Variants in DPP6 observed in about 807,000 individuals in gnomAD.
DPP6 encodes the protein A-type potassium channel modulatory protein DPP6.
In DPP6, 69 loss-of-function variants were observed where a neutral mutation model predicts 122.6. That is an observed-to-expected ratio of 0.56 (90% CI 0.46 to 0.69). The LOEUF (loss-of-function observed/expected upper bound fraction) is 0.69. DPP6 is among the 30% of genes least tolerant of loss of function. The pLI is 0.00. For missense variants in DPP6, 928 were observed against 1,116.9 expected, an observed-to-expected ratio of 0.83 and a Z score of 2.41; for synonymous variants, 418 against 433.1, an observed-to-expected ratio of 0.97 and a Z score of 0.43.
chr7:154,551,824 C>A (rs888638246), intron 4 of DPP6, among the ~76,000 whole-genome samples: 1 of 151,978 alleles, frequency 6.6e-6, no homozygotes. Context: ...GAATGAGGAG[C>A]AGTTGGAGGT....
At chr7:154,807,409 A>C (rs1259785930) in intron 16 of DPP6, among the ~76,000 whole-genome samples, 1 of 152,222 alleles carries the variant, frequency 6.6e-6, no homozygotes, top group Non-Finnish European at 1.5e-5. Context: ...CACAAAAAAT[A>C]ATAGTCCCAT....
At chr7:154,749,508 A>C (rs1587015207) in intron 8 of DPP6, among the ~76,000 whole-genome samples, 1 of 139,382 alleles carries the variant, frequency 7.2e-6, no homozygotes, top group African/African-American at 2.8e-5. Flanking sequence ...TGGAGGCTTT[A>C]CTGAGAGAGG....
At chr7:154,162,649 T>C (rs755870294) in intron 1 of DPP6, among the ~76,000 whole-genome samples, 1 of 151,606 alleles carries the variant, frequency 6.6e-6, no homozygotes, top group African/African-American at 2.4e-5. Context: ...ATTGCTAACA[T>C]TGAGTGGAAT....
chr7:154,255,193 G>A (rs1802581805), intron 1 of DPP6, among the ~76,000 whole-genome samples: 1 of 152,018 alleles, frequency 6.6e-6, no homozygotes, highest in Admixed American at 6.6e-5. Flanking sequence ...CGGCTGTGGT[G>A]GAGGGGTGCT....
At chr7:153,955,588 G>A (rs535958227) in intron 1 of DPP6, among the ~76,000 whole-genome samples, 88 of 152,046 alleles carry the variant, frequency 5.8e-4, no homozygotes, top group Non-Finnish European at 7.4e-4. Context: ...ACAGGCACCC[G>A]CCACCACGCC....
chr7:153,950,590 C>G (rs1359951584), intron 1 of DPP6, among the ~76,000 whole-genome samples: 1 of 152,058 alleles, frequency 6.6e-6, no homozygotes. Context: ...GGAAGGAACG[C>G]CTGAAGTGGA....
chr7:154,862,603 G>A (rs961138375), intron 17 of DPP6, among the ~76,000 whole-genome samples: 4 of 152,314 alleles, frequency 2.6e-5, no homozygotes, highest in East Asian at 3.9e-4. Context: ...GCTGGGCTTC[G>A]CTGCCACCCA....
At chr7:154,289,902 G>C (rs780632240) in intron 1 of DPP6, among the ~76,000 whole-genome samples, 8 of 152,160 alleles carry the variant, frequency 5.3e-5, no homozygotes, top group Non-Finnish European at 1.2e-4. Context: ...GGGTGATGAG[G>C]CTAATCAAAC....
chr7:154,278,652 A>G (rs754338405), intron 1 of DPP6, among the ~76,000 whole-genome samples: 2 of 152,238 alleles, frequency 1.3e-5, no homozygotes, highest in African/African-American at 2.4e-5. Flanking sequence ...AGGGTGGCCT[A>G]TGGAGTTTTA....
intron 10 of DPP6, among the ~76,000 whole-genome samples, chr7:154,790,164 C>G (rs1470368649): frequency 6.6e-6 from 1 of 152,200 alleles, no homozygotes; most frequent in African/African-American, 2.4e-5. Flanking sequence ...CACCACTGCA[C>G]TCCAGCCTGG....
intron 1 of DPP6, among the ~76,000 whole-genome samples, chr7:154,109,947 C>T (rs1806454630): frequency 7.0e-6 from 1 of 142,008 alleles, no homozygotes; most frequent in Non-Finnish European, 1.5e-5. Flanking sequence ...AATTGGGGTG[C>T]AGGGTGGGGG....
intron 7 of DPP6, among the ~76,000 whole-genome samples, chr7:154,725,503 C>T (rs1353229445): frequency 6.6e-6 from 1 of 152,112 alleles, no homozygotes; most frequent in Non-Finnish European, 1.5e-5. Flanking sequence ...CACTTTTAAA[C>T]AGCCAGATCT....
At chr7:153,861,975 C>G in the DPP6 span, among the ~76,000 whole-genome samples, 2 of 152,132 alleles carry the variant, frequency 1.3e-5, no homozygotes, top group Admixed American at 6.5e-5. Flanking sequence ...AACTGATACT[C>G]CCACATTTTT....
chr7:154,520,027 A>C (rs1473391485), intron 3 of DPP6, among the ~76,000 whole-genome samples: 1 of 152,222 alleles, frequency 6.6e-6, no homozygotes, highest in Non-Finnish European at 1.5e-5. Context: ...GAAAGACTGC[A>C]AGGTAAAGTA....
chr7:153,938,988 G>A (rs1801579986), intron 1 of DPP6, among the ~76,000 whole-genome samples: 1 of 152,144 alleles, frequency 6.6e-6, no homozygotes, highest in Admixed American at 6.5e-5. Flanking sequence ...GAAGTAGACT[G>A]TAATTCATTT....
chr7:153,793,488 T>C, the DPP6 span, among the ~76,000 whole-genome samples: 1 of 148,232 alleles, frequency 6.7e-6, no homozygotes, highest in African/African-American at 2.5e-5. Flanking sequence ...AAGAGGTAAC[T>C]TGGGTGCTGT....
intron 7 of DPP6, among the ~76,000 whole-genome samples, chr7:154,716,291 C>T (rs1841478516): frequency 6.6e-6 from 1 of 152,150 alleles, no homozygotes; most frequent in Non-Finnish European, 1.5e-5. Context: ...ACCTGGAACA[C>T]AAGGCTTCCC....
intron 1 of DPP6, among the ~76,000 whole-genome samples, chr7:154,221,036 T>C (rs1199630586): frequency 2.0e-5 from 3 of 152,138 alleles, no homozygotes; most frequent in African/African-American, 7.2e-5. Context: ...GTTTGCTGGG[T>C]GCCAGGCATA....
intron 16 of DPP6, among the ~76,000 whole-genome samples, chr7:154,810,966 A>G (rs6963245): frequency 0.34 from 51,476 of 152,126 alleles, 10,517 homozygotes; most frequent in East Asian, 0.49. Flanking sequence ...TCTTTTGTTG[A>G]TTCAGAAACT....
Sources: gnomAD v4.1 joint callset for allele counts (sites outside exome capture counted in the v4.1 genomes callset) on GRCh38, gnomAD v4.1.1 for gene constraint, MANE v1.5 for transcripts, NCBI Gene and HGNC (gene_info 2026-07-23, HGNC 2026-07-21) for gene names.